The following CRYBG3 variants were observed in gnomAD, a reference collection of about 807,000 sequenced individuals.
The protein encoded by CRYBG3 is crystallin beta-gamma domain containing 3.
Under a neutral mutation model 244.2 loss-of-function variants are expected in CRYBG3, and 127 were observed. That is an observed-to-expected ratio of 0.52 (90% CI 0.45 to 0.60). The LOEUF (loss-of-function observed/expected upper bound fraction) is 0.60. CRYBG3 is among the 20% of genes least tolerant of loss of function. The pLI is 0.00. For synonymous variants in CRYBG3, 1,132 were observed against 1,195.8 expected, an observed-to-expected ratio of 0.95 and a Z score of 1.10; for missense variants, 3,325 against 3,442.5, an observed-to-expected ratio of 0.97 and a Z score of 0.85.
At chr3:97,834,282 T>C (rs1011274059) in intron 1 of CRYBG3, among the ~76,000 whole-genome samples, 4 of 152,166 alleles carry the variant, frequency 2.6e-5, no homozygotes, top group African/African-American at 9.7e-5. Context: ...AGTACAGTTA[T>C]AGAAAACAGT....
chr3:97,894,680 G>A (rs2039620782), intron 11 of CRYBG3, among the ~76,000 whole-genome samples: 1 of 151,936 alleles, frequency 6.6e-6, no homozygotes, highest in Non-Finnish European at 1.5e-5. Context: ...GATCCTTTAA[G>A]GTCTTTTATA....
intron 17 of CRYBG3, among the ~76,000 whole-genome samples, chr3:97,930,992 T>A (rs926219374): frequency 1.3e-5 from 2 of 152,006 alleles, no homozygotes; most frequent in African/African-American, 4.8e-5. Context: ...ATTGTACCTC[T>A]CCCTCCTTCC....
chr3:97,870,007 A>G (rs2039282538), intron 3 of CRYBG3, among the ~76,000 whole-genome samples: 1 of 152,208 alleles, frequency 6.6e-6, no homozygotes, highest in African/African-American at 2.4e-5. Context: ...AGGTATTGGA[A>G]TACTGATAAC....
rs2039003450 is a variant in CRYBG3, at chr3:97,852,684, A to G, written c.216+9423A>G. Among the ~76,000 whole-genome samples, 3 of 152,112 alleles carry G rather than the reference A, an allele frequency of 2.0e-5. No individual in the cohort carries two copies. In the South Asian group the frequency reaches 6.2e-4, roughly 31 times the overall value. On this transcript the variant is annotated intron_variant, in intron 2 of 21. Coordinates refer to ENST00000389622, the MANE Select transcript of CRYBG3 (RefSeq NM_153605.4). ...GACATACTGATTTCCTTTTCTTTAG[A>G]TGTATATTTAGAAGTGGGATTGCTG... is the stretch of plus-strand genomic sequence containing the variant.
In CRYBG3 at chr3:97,875,465, C is replaced by T. The variant is rs201137257; in HGVS notation, c.4271C>T (p.Thr1424Met). 2.7e-5 allele frequency: 35 copies of T among 1,318,080 alleles called. No homozygotes were observed. Among genetic ancestry groups the T allele is most frequent in the East Asian group, 2.6e-4 (9 of 34,422 alleles). The allele number at this position is 1,318,080 out of a possible 1,614,324, so 81.6% of individuals were successfully genotyped here. Residue 1424 changes from threonine (T) to methionine (M), a missense_variant, in exon 4 of 22, where the codon ACG becomes ATG. Physicochemically the swap from Thr to Met is moderately conservative, Grantham distance 81. Around this residue, in one of 4 missense-constraint regions of CRYBG3, gnomAD observed 635 missense variants for 771.7 expected, o/e 0.82. Coordinates refer to ENST00000389622, the MANE Select transcript of CRYBG3 (RefSeq NM_153605.4). ...SDSINLQESDTVLLAEDMSHK... is the reference protein window; with the variant it reads ...SDSINLQESDMVLLAEDMSHK... The stretch of plus-strand genomic sequence containing the variant: ...AGTATAAATTTGCAGGAATCAGATA[C>T]GGTTTTACTAGCTGAAGACATGTCA...
intron 1 of CRYBG3, among the ~76,000 whole-genome samples, chr3:97,835,946 C>T (rs544945704): frequency 3.9e-5 from 6 of 152,112 alleles, no homozygotes; most frequent in African/African-American, 7.2e-5. Flanking sequence ...ATGAGGTGGA[C>T]GGAGAACTTG....
rs1559749207 is a variant in CRYBG3 at position 97,936,900 on chromosome 3, A to G, written c.8497A>G (p.Met2833Val). The change falls in exon 19 of 22, where the codon ATG (methionine) becomes GTG (valine). Residue 2833 changes from methionine to valine, a missense_variant. Met to Val is a conservative substitution (Grantham distance 21, BLOSUM62 1). Around this residue, in one of 4 missense-constraint regions of CRYBG3, gnomAD observed 714 missense variants for 803.6 expected, o/e 0.89. Transcript: ENST00000389622. ...RWKTIGSLRP[M>V]KQPAVYIRIK... ...GAAAACAATTGGTTCCCTCCGTCCT[A>G]TGAAGCAGGTAAGGAGAAAAGAACC... is the stretch of plus-strand genomic sequence containing the variant. The G allele has an allele frequency of 4.3e-6, 7 of 1,612,608 alleles. No individual in the cohort carries two copies. The highest frequency in any genetic ancestry group is 5.1e-6 in the Non-Finnish European group (6 of 1,179,206).
At chr3:97,893,616 G>A (rs1050226024) in intron 11 of CRYBG3, among the ~76,000 whole-genome samples, 1 of 152,228 alleles carries the variant, frequency 6.6e-6, no homozygotes, top group Non-Finnish European at 1.5e-5. Flanking sequence ...GTGAAACAAT[G>A]AAGAAGAAAC....
intron 10 of CRYBG3, 112 bp from the exon 11 acceptor site, chr3:97,892,748 A>G (rs931435098): frequency 1.8e-6 from 1 of 560,928 alleles, no homozygotes; most frequent in African/African-American, 2.0e-5. Flanking sequence ...AAATCTCCTC[A>G]TATTAATTAA....
chr3:97,907,204 TC>T (rs1261815004), intron 15 of CRYBG3, among the ~76,000 whole-genome samples: 1 of 152,168 alleles, frequency 6.6e-6, no homozygotes, highest in East Asian at 1.9e-4. Context: ...GGTCTAAAAT[TC>T]TCTTTTTTTA....
rs767146398 is a variant in CRYBG3 at position 97,874,656 on chromosome 3, T to C, written c.3462T>C (p.Thr1154=). 9.1e-6 allele frequency: 14 copies of C among 1,536,050 alleles called. No individual in the cohort carries two copies. Among genetic ancestry groups the C allele is most frequent in the Non-Finnish European group, 1.2e-5 (14 of 1,146,844 alleles). ...AQFDNLVEAE[T]GAVAGPAASV... Reference sequence around the variant, plus strand: ...TTGACAATCTCGTGGAAGCAGAGACTGGAGCAGTTGCTGGGCCTGCAGCGT... The same window carrying C: ...TTGACAATCTCGTGGAAGCAGAGACCGGAGCAGTTGCTGGGCCTGCAGCGT... Residue 1154 remains threonine, a synonymous_variant, in exon 4 of 22, where the codon ACT becomes ACC. Transcript: ENST00000389622.
At chr3:97,920,250 A>G (rs2039969264) in intron 17 of CRYBG3, among the ~76,000 whole-genome samples, 1 of 152,198 alleles carries the variant, frequency 6.6e-6, no homozygotes, top group Non-Finnish European at 1.5e-5. Context: ...TCTAAGTGTT[A>G]TCTTACTCTT....
At chr3:97,881,500 A>C (rs376132164) in intron 7 of CRYBG3, among the ~76,000 whole-genome samples, 7 of 148,478 alleles carry the variant, frequency 4.7e-5, no homozygotes, top group African/African-American at 1.5e-4. Context: ...CAGATGACCT[A>C]AGATTGGGAG....
intron 2 of CRYBG3, among the ~76,000 whole-genome samples, chr3:97,858,268 C>T (rs554222947): frequency 6.6e-6 from 1 of 151,084 alleles, no homozygotes; most frequent in Admixed American, 6.6e-5. Context: ...ATGGAGATTC[C>T]TTTGTATGAG....
chr3:97,874,817 T>C lies in CRYBG3; in HGVS notation c.3623T>C (p.Phe1208Ser). The C allele has an allele frequency of 6.5e-7, 1 of 1,536,026 alleles. No homozygotes were observed. Among genetic ancestry groups the C allele is most frequent in the African/African-American group, 1.4e-5 (1 of 73,142 alleles). Reference protein sequence around the residue: ...KKADTLIGEIFNSVREELKFK... With the variant: ...KKADTLIGEISNSVREELKFK... Reference sequence around the variant, plus strand: ...GCCGATACATTGATTGGTGAGATTTTTAATTCTGTCAGGGAAGAACTAAAA... The same window carrying C: ...GCCGATACATTGATTGGTGAGATTTCTAATTCTGTCAGGGAAGAACTAAAA... The change falls in exon 4 of 22, where the codon TTT (phenylalanine) becomes TCT (serine). Residue 1208 changes from phenylalanine to serine, a missense_variant. By Grantham distance (155) the Phe-to-Ser change is radical (BLOSUM62 -2). Coordinates refer to ENST00000389622, the MANE Select transcript of CRYBG3 (RefSeq NM_153605.4).
intron 3 of CRYBG3, among the ~76,000 whole-genome samples, chr3:97,868,886 T>G (rs2039268131): frequency 6.6e-6 from 1 of 152,186 alleles, no homozygotes; most frequent in Admixed American, 6.5e-5. Context: ...TTTCTCTTAT[T>G]TCCACTGACC....
chr3:97,910,001 C>G (rs1395975606), intron 15 of CRYBG3, among the ~76,000 whole-genome samples: 12 of 151,436 alleles, frequency 7.9e-5, no homozygotes, highest in African/African-American at 2.0e-4. Context: ...GTTGGAATAC[C>G]CTGCCGTGTG....
In CRYBG3 at chr3:97,875,595, G is replaced by A. The variant is rs1576538095; in HGVS notation, c.4401G>A (p.Glu1467=). ...ENVDNNKTET[E]DRRTLVLNFK... ...TGGATAATAACAAAACTGAGACAGA[G>A]GACAGAAGAACTCTTGTATTAAATT... Residue 1467 remains glutamate (E), a synonymous_variant, in exon 4 of 22, where the codon GAG becomes GAA. Transcript: ENST00000389622. 9 of 1,237,006 alleles carry A rather than the reference G, an allele frequency of 7.3e-6. No homozygotes were observed. In the East Asian group the frequency reaches 2.5e-4, roughly 35 times the overall value. The allele number at this position is 1,237,006 out of a possible 1,614,324, so 76.6% of individuals were successfully genotyped here. A position where few individuals can be genotyped will look rare whatever the true frequency, so the allele number is the denominator to read the frequency against.
chr3:97,853,475 TG>T (rs1405461233), intron 2 of CRYBG3, among the ~76,000 whole-genome samples: 1 of 151,834 alleles, frequency 6.6e-6, no homozygotes, highest in Non-Finnish European at 1.5e-5. Flanking sequence ...GCATTTAGGC[TG>T]GTTCCATATT....
Sources: allele counts gnomAD v4.1 joint callset (sites outside exome capture counted in the v4.1 genomes callset), GRCh38; gene constraint gnomAD v4.1.1; regional missense constraint gnomAD v4.1.1; transcripts MANE v1.5; gene names NCBI Gene and HGNC (gene_info 2026-07-23, HGNC 2026-07-21).